Variants in CPNE3 observed in about 807,000 individuals in gnomAD.
CPNE3 encodes copine 3, also known as copine-3.
In CPNE3, 68 loss-of-function variants were observed where a neutral mutation model predicts 63.9. The observed-to-expected ratio is 1.06, with a 90% confidence interval of 0.87 to 1.30. The LOEUF (loss-of-function observed/expected upper bound fraction) is 1.30, where lower values mean the gene tolerates loss of function less well. Ranked by LOEUF, CPNE3 falls within the 50% of genes most tolerant of loss-of-function variation. The pLI is 0.00. For missense variants in CPNE3, 665 were observed against 578.1 expected (o/e 1.15, Z -1.54); for synonymous variants, 219 against 197.5 (o/e 1.11, Z -0.91).
At position 86,559,153 on chromosome 8, in the gene CPNE3, T is replaced by C. The variant is rs1821384149; in HGVS notation, c.*743T>C. The C allele has an allele frequency of 6.6e-6, 1 of 152,216 alleles. No homozygotes were observed. Among genetic ancestry groups the C allele is most frequent in the Non-Finnish European group, 1.5e-5 (1 of 68,048 alleles). The allele number at this position is 152,216 out of a possible 1,614,324, so 9.4% of individuals were successfully genotyped here. ...TGTAAACATGGTCAGATTTGGCTTTTTTTTTCATTAACTGAGCAAGACTTT... is the reference window on the plus strand; with the variant it reads ...TGTAAACATGGTCAGATTTGGCTTTCTTTTTCATTAACTGAGCAAGACTTT... On this transcript the variant is annotated 3_prime_UTR_variant, in exon 17 of 17. Coordinates refer to ENST00000517490, the MANE Select transcript of CPNE3 (RefSeq NM_003909.5).
intron 1 of CPNE3, 126 bp from the exon 2 acceptor site, chr8:86,515,336 C>G (rs909916864): frequency 1.3e-5 from 2 of 152,096 alleles, no homozygotes; most frequent in African/African-American, 4.8e-5. Flanking sequence ...GAGGGAAGGG[C>G]GGGATTGAAT....
At chr8:86,541,293 G>A (rs978898401) in intron 8 of CPNE3, among the ~76,000 whole-genome samples, 4 of 152,088 alleles carry the variant, frequency 2.6e-5, no homozygotes, top group African/African-American at 9.7e-5. Context: ...GCTTCACCTG[G>A]ATTCTTCACT....
At chr8:86,545,420 A>C (rs1002298418) in intron 9 of CPNE3, 1 of 152,220 alleles carries the variant, frequency 6.6e-6, no homozygotes, top group Non-Finnish European at 1.5e-5. Context: ...ACCAAAGAGC[A>C]CTTATGGAGC....
chr8:86,515,322 A>G (rs1373678682), intron 1 of CPNE3, 140 bp from the exon 2 acceptor site: 2 of 152,214 alleles, frequency 1.3e-5, no homozygotes, highest in Non-Finnish European at 2.9e-5. Context: ...TGGATAATCA[A>G]ATAGAGGGAA....
At chr8:86,555,676 T>G (rs1821308169) in intron 15 of CPNE3, among the ~76,000 whole-genome samples, 1 of 152,176 alleles carries the variant, frequency 6.6e-6, no homozygotes, top group Non-Finnish European at 1.5e-5. Context: ...TTTTTTTGTG[T>G]GTATTTTAGC....
At chr8:86,520,587 C>G (rs551563761) in intron 2 of CPNE3, among the ~76,000 whole-genome samples, 2 of 151,374 alleles carry the variant, frequency 1.3e-5, no homozygotes, top group Non-Finnish European at 2.9e-5. Context: ...CTGAAAAAAC[C>G]TGAAGCCTGG....
chr8:86,516,358 A>G (rs1563682089), intron 2 of CPNE3, among the ~76,000 whole-genome samples: 1 of 152,216 alleles, frequency 6.6e-6, no homozygotes, highest in Non-Finnish European at 1.5e-5. Flanking sequence ...AATTTTACCT[A>G]TAACTGTGAA....
chr8:86,519,737 G>A (rs1278069044), intron 2 of CPNE3, among the ~76,000 whole-genome samples: 2 of 152,208 alleles, frequency 1.3e-5, no homozygotes, highest in Middle Eastern at 6.8e-3. Flanking sequence ...TTTTGAAATG[G>A]AATTTGGCTC....
At chr8:86,527,767 T>G (rs2131438913) in intron 2 of CPNE3, among the ~76,000 whole-genome samples, 1 of 152,014 alleles carries the variant, frequency 6.6e-6, no homozygotes, top group Non-Finnish European at 1.5e-5. Flanking sequence ...GGGCTTTTGG[T>G]TTTAGTCAAA....
At chr8:86,518,471 G>A (rs111644084) in intron 2 of CPNE3, among the ~76,000 whole-genome samples, 23 of 152,242 alleles carry the variant, frequency 1.5e-4, no homozygotes, top group African/African-American at 5.5e-4. Context: ...TGAACACTTG[G>A]GATTTTCAGC....
At chr8:86,545,910 A>G (rs2119537) in intron 9 of CPNE3, among the ~76,000 whole-genome samples, 8,255 of 152,290 alleles carry the variant, frequency 0.054, 317 homozygotes, top group Non-Finnish European at 0.087. Context: ...ATAGTTGTAG[A>G]AATTTAAAGA....
At chr8:86,522,712 A>AGGAT (rs1554599857) in intron 2 of CPNE3, among the ~76,000 whole-genome samples, 1 of 152,074 alleles carries the variant, frequency 6.6e-6, no homozygotes, top group Non-Finnish European at 1.5e-5. Flanking sequence ...GCGGTCAGGC[A>AGGAT]GGATGTACTG....
intron 9 of CPNE3, among the ~76,000 whole-genome samples, chr8:86,545,885 G>A (rs1821037633): frequency 1.3e-5 from 2 of 152,332 alleles, no homozygotes; most frequent in South Asian, 4.1e-4. Flanking sequence ...CACAGAGTAT[G>A]TAACTAAATT....
At chr8:86,557,624 T>C (rs994154104) in intron 16 of CPNE3, among the ~76,000 whole-genome samples, 2 of 152,204 alleles carry the variant, frequency 1.3e-5, no homozygotes, top group East Asian at 3.9e-4. Flanking sequence ...GTTGTGATTA[T>C]AAAGTAGTAA....
intron 7 of CPNE3, among the ~76,000 whole-genome samples, chr8:86,538,083 T>G (rs1820844270): frequency 6.6e-6 from 1 of 152,122 alleles, no homozygotes; most frequent in East Asian, 1.9e-4. Flanking sequence ...TATCTTTAAA[T>G]GCTACAGCAG....
chr8:86,553,433 A>G (rs1821237315), intron 14 of CPNE3, among the ~76,000 whole-genome samples: 1 of 152,226 alleles, frequency 6.6e-6, no homozygotes, highest in Non-Finnish European at 1.5e-5. Context: ...CATGTATGAC[A>G]GTAGGCCCAT....
intron 8 of CPNE3, among the ~76,000 whole-genome samples, chr8:86,542,105 A>G (rs1820954327): frequency 6.6e-6 from 1 of 152,222 alleles, no homozygotes; most frequent in South Asian, 2.1e-4. Context: ...AGCTTTCTCT[A>G]ATGAATGTCT....
rs1821375910 is a variant in CPNE3 at position 86,558,705 on chromosome 8, T to C, written c.*295T>C. The stretch of plus-strand genomic sequence containing the variant: ...ATTCTGTTGTTGTTTTTGTTTACTT[T>C]CATATGATGAAAATGCTGTGTTTAA... On this transcript the variant is annotated 3_prime_UTR_variant, in exon 17 of 17. Transcript: ENST00000517490. 3.1e-6 allele frequency: 1 copy of C among 320,092 alleles called. No individual in the cohort carries two copies. The highest frequency in any genetic ancestry group is 2.1e-5 in the African/African-American group (1 of 47,578). 19.8% of individuals were successfully genotyped at this position (320,092 alleles called of 1,614,324 possible). A position where few individuals can be genotyped will look rare whatever the true frequency, so the allele number is the denominator to read the frequency against.
At chr8:86,556,006 G>C in intron 15 of CPNE3, 96 bp from the exon 16 acceptor site, 1 of 744,448 alleles carries the variant, frequency 1.3e-6, no homozygotes, top group Non-Finnish European at 2.4e-6. Context: ...GACTGGCAAG[G>C]AAAATGAACA....
Sources: allele counts gnomAD v4.1 joint callset (sites outside exome capture counted in the v4.1 genomes callset), GRCh38; gene constraint gnomAD v4.1.1; transcripts MANE v1.5; gene names NCBI Gene and HGNC (gene_info 2026-07-23, HGNC 2026-07-21).